The following CHRM3 variants were observed in gnomAD, a reference collection of about 807,000 sequenced individuals.
The protein encoded by CHRM3 is muscarinic acetylcholine receptor M3.
In CHRM3, 11 loss-of-function variants were observed where a neutral mutation model predicts 41.8. The observed-to-expected ratio is 0.26, with a 90% CI of 0.17 to 0.44. The LOEUF is 0.44. CHRM3 is among the 20% of genes least tolerant of loss of function. The pLI, the probability that CHRM3 is intolerant of heterozygous loss-of-function variation, is 1.00. For synonymous variants in CHRM3, 297 were observed against 301.4 expected (o/e 0.99, Z 0.15); for missense variants, 571 against 745.4 (o/e 0.77, Z 2.72).
chr1:239,632,995 C>T (rs180788069), intron 4 of CHRM3, among the ~76,000 whole-genome samples: 59 of 152,304 alleles, frequency 3.9e-4, no homozygotes, highest in South Asian at 1.2e-3. Context: ...GTTTTTGAGA[C>T]GGAGTCTCGC....
At chr1:239,836,063 T>G (rs1673291663) in intron 6 of CHRM3, among the ~76,000 whole-genome samples, 2 of 152,258 alleles carry the variant, frequency 1.3e-5, no homozygotes, top group South Asian at 4.1e-4. Flanking sequence ...TGCAGCTGGC[T>G]GCAGATTCCA....
intron 2 of CHRM3, among the ~76,000 whole-genome samples, chr1:239,543,256 C>T (rs1446936404): frequency 6.6e-6 from 1 of 152,128 alleles, no homozygotes; most frequent in Non-Finnish European, 1.5e-5. Flanking sequence ...CTTGTGGGCC[C>T]GACATGAAGT....
intron 4 of CHRM3, among the ~76,000 whole-genome samples, chr1:239,672,650 G>A (rs1674499222): frequency 6.6e-6 from 1 of 151,766 alleles, no homozygotes; most frequent in South Asian, 2.1e-4. Flanking sequence ...AGGGGAGAAA[G>A]AATGGGAAAG....
At chr1:239,657,862 T>A (rs1672852397) in intron 4 of CHRM3, among the ~76,000 whole-genome samples, 1 of 152,198 alleles carries the variant, frequency 6.6e-6, no homozygotes, top group South Asian at 2.1e-4. Flanking sequence ...CTTATGTAAT[T>A]AGTATAACTA....
At chr1:239,739,155 T>A (rs1664634550) in intron 5 of CHRM3, among the ~76,000 whole-genome samples, 1 of 152,130 alleles carries the variant, frequency 6.6e-6, no homozygotes, top group African/African-American at 2.4e-5. Flanking sequence ...GGCTTTTCAA[T>A]ATTATGTATT....
chr1:239,675,273 CT>C (rs1358431717), intron 4 of CHRM3, among the ~76,000 whole-genome samples: 1 of 152,154 alleles, frequency 6.6e-6, no homozygotes, highest in African/African-American at 2.4e-5. Context: ...TCCAATTTCT[CT>C]TTTAAAAATC....
chr1:239,756,645 C>T (rs533735241), intron 5 of CHRM3, among the ~76,000 whole-genome samples: 8 of 152,206 alleles, frequency 5.3e-5, no homozygotes, highest in East Asian at 3.9e-4. Context: ...GAATGAAGCA[C>T]GTGCTATAAG....
At chr1:239,705,348 T>C (rs1475730314) in intron 5 of CHRM3, 3 of 152,220 alleles carry the variant, frequency 2.0e-5, no homozygotes, top group Non-Finnish European at 4.4e-5. Flanking sequence ...AATACCATTC[T>C]GCCATTTGTG....
At chr1:239,760,560 C>T (rs1272019417) in intron 5 of CHRM3, among the ~76,000 whole-genome samples, 1 of 152,150 alleles carries the variant, frequency 6.6e-6, no homozygotes, top group African/African-American at 2.4e-5. Flanking sequence ...TTTCCTTACA[C>T]TAGTCCCTCT....
chr1:239,856,626 TA>T (rs1408257197), intron 6 of CHRM3, among the ~76,000 whole-genome samples: 1 of 152,138 alleles, frequency 6.6e-6, no homozygotes, highest in Non-Finnish European at 1.5e-5. Flanking sequence ...GAGAATGGAC[TA>T]ATACAGATGG....
chr1:239,520,348 C>T lies in CHRM3; in HGVS notation c.-421-25293C>T, dbSNP rs140937845. On this transcript the variant is annotated intron_variant, in intron 2 of 6. Coordinates refer to ENST00000676153, the MANE Select transcript of CHRM3 (RefSeq NM_001375978.1). ...GAGGTGGGGCCTGGTGGGAGATGAT[C>T]GGATCGTGGGGGCGGATTTCTCATG... Among the ~76,000 whole-genome samples, 757 of 152,178 alleles carry T rather than the reference C, an allele frequency of 5.0e-3. 6 individuals are homozygous for T. The highest frequency in any genetic ancestry group is 0.017 in the African/African-American group (726 of 41,522).
chr1:239,809,530 C>T (rs193028507), intron 5 of CHRM3, among the ~76,000 whole-genome samples: 2 of 151,926 alleles, frequency 1.3e-5, no homozygotes, highest in Admixed American at 6.6e-5. Flanking sequence ...TGGGGTCTAG[C>T]TCTGTGGCCC....
chr1:239,752,722 A>G (rs546049598), intron 5 of CHRM3, among the ~76,000 whole-genome samples: 3 of 152,238 alleles, frequency 2.0e-5, no homozygotes, highest in African/African-American at 7.2e-5. Context: ...ACATTTAAAA[A>G]ACAGATAGAA....
At chr1:239,629,449 A>C (rs1201099296) in intron 3 of CHRM3, 5 of 152,500 alleles carry the variant, frequency 3.3e-5, no homozygotes, top group South Asian at 2.1e-4. Context: ...GAAATGCAGA[A>C]ATCACCCGTC....
intron 5 of CHRM3, among the ~76,000 whole-genome samples, chr1:239,778,400 T>G (rs1473827576): frequency 3.3e-5 from 5 of 152,174 alleles, no homozygotes; most frequent in African/African-American, 7.2e-5. Context: ...AATCTCCAAG[T>G]CATCACATCT....
chr1:239,661,764 A>G (rs1899615), intron 4 of CHRM3, among the ~76,000 whole-genome samples: 115,673 of 152,054 alleles, frequency 0.76, 45,177 homozygotes, highest in African/African-American at 0.93. Context: ...GTCAAAATCC[A>G]CAGAATGTAC....
intron 2 of CHRM3, among the ~76,000 whole-genome samples, chr1:239,498,256 GA>G: frequency 6.6e-6 from 1 of 152,172 alleles, no homozygotes; most frequent in East Asian, 1.9e-4. Flanking sequence ...TTGTTACTGT[GA>G]ATAATAATTC....
rs527333542 is a variant in CHRM3 at position 239,910,872 on chromosome 1, C to G, written c.*1648C>G. On this transcript the variant is annotated 3_prime_UTR_variant, in exon 7 of 7. Transcript: ENST00000676153. Reference sequence around the variant, plus strand: ...AGGTGGTGTTTACAGACGACTTTGACAACAGTAGAAGTGTACTCAGTGGTG... The same window carrying G: ...AGGTGGTGTTTACAGACGACTTTGAGAACAGTAGAAGTGTACTCAGTGGTG... 10 of 167,052 alleles carry G rather than the reference C, an allele frequency of 6.0e-5. No homozygotes were observed. The highest frequency in any genetic ancestry group is 8.8e-5 in the Non-Finnish European group (6 of 68,136). 10.3% of individuals were successfully genotyped at this position (167,052 alleles called of 1,614,324 possible). A position where few individuals can be genotyped will look rare whatever the true frequency, so the allele number is the denominator to read the frequency against.
chr1:239,866,105 C>T (rs763211566), intron 6 of CHRM3, among the ~76,000 whole-genome samples: 2 of 152,106 alleles, frequency 1.3e-5, no homozygotes, highest in African/African-American at 4.8e-5. Context: ...AGGCCGGGCA[C>T]GGTGGCTCAC....
Sources: gnomAD v4.1 joint callset for allele counts (sites outside exome capture counted in the v4.1 genomes callset) on GRCh38, gnomAD v4.1.1 for gene constraint, MANE v1.5 for transcripts, NCBI Gene and HGNC (gene_info 2026-07-23, HGNC 2026-07-21) for gene names.